Variants in KTN1 observed in about 807,000 individuals in gnomAD.
The protein encoded by KTN1 is kinectin.
KTN1 carries 130 observed loss-of-function variants against 222.5 expected under a neutral mutation model. That is an observed-to-expected ratio of 0.58 (90% CI 0.51 to 0.68). The LOEUF is 0.68. KTN1 is among the 30% of genes least tolerant of loss of function. The pLI is 0.00. For missense variants in KTN1, 1,508 were observed against 1,500.4 expected, an observed-to-expected ratio of 1.01 and a Z score of -0.08; for synonymous variants, 512 against 496.3, an observed-to-expected ratio of 1.03 and a Z score of -0.42.
chr14:55,644,584 TG>T, intron 18 of KTN1: 1 of 469,388 alleles, frequency 2.1e-6, no homozygotes, highest in Non-Finnish European at 3.8e-6. Context: ...TTTTTTGCTG[TG>T]GGGGAGCACA....
At chr14:55,588,926 G>T (rs1355667866) in intron 1 of KTN1, among the ~76,000 whole-genome samples, 1 of 151,472 alleles carries the variant, frequency 6.6e-6, no homozygotes, top group African/African-American at 2.4e-5. Context: ...TTCCCTGTGA[G>T]TTTTTTTCAT....
intron 1 of KTN1, among the ~76,000 whole-genome samples, chr14:55,605,781 G>T (rs1281092148): frequency 6.6e-6 from 1 of 152,146 alleles, no homozygotes. Flanking sequence ...GTATTTGAAG[G>T]TTATCAACTA....
At position 55,650,590 on chromosome 14, in the gene KTN1, G is replaced by A. The variant is rs775400802; in HGVS notation, c.2518G>A (p.Ala840Thr). 4.3e-6 allele frequency: 7 copies of A among 1,612,172 alleles called. No individual in the cohort carries two copies. In the African/African-American group the frequency reaches 9.4e-5, roughly 22 times the overall value. ...TVQDLKQEIK[A>T]LKEEIGNVQL... ...CAAGGATTTGAAACAGGAAATAAAG[G>A]CTCTAAAAGAAGAAATAGGAAATGT... is the stretch of plus-strand genomic sequence containing the variant. Residue 840 changes from alanine to threonine, a missense_variant, in exon 24 of 44, where the codon GCT (alanine) becomes ACT (threonine). Ala to Thr is a moderately conservative substitution (Grantham distance 58). Transcript: ENST00000395314.
chr14:55,621,180 T>A (rs1319531313), intron 5 of KTN1, among the ~76,000 whole-genome samples: 1 of 152,142 alleles, frequency 6.6e-6, no homozygotes, highest in African/African-American at 2.4e-5. Flanking sequence ...TGAGATGACC[T>A]CATCCTGGAT....
At chr14:55,647,150 T>G in intron 19 of KTN1, 143 bp downstream of exon 19, 1 of 611,922 alleles carries the variant, frequency 1.6e-6, no homozygotes, top group South Asian at 2.0e-5. Flanking sequence ...TTACCGTTTG[T>G]GGGTTTCACG....
chr14:55,597,467 C>G (rs1453538560), intron 1 of KTN1, among the ~76,000 whole-genome samples: 1 of 152,158 alleles, frequency 6.6e-6, no homozygotes, highest in Non-Finnish European at 1.5e-5. Context: ...GCTGTTTATT[C>G]ACAATTTTGC....
intron 43 of KTN1, chr14:55,681,067 T>C (rs2046323134): frequency 4.9e-6 from 1 of 202,388 alleles, no homozygotes; most frequent in South Asian, 9.3e-5. Flanking sequence ...TTTTTACTTT[T>C]TTACTATTTA....
At chr14:55,638,210 T>G (rs1293649341) in intron 12 of KTN1, among the ~76,000 whole-genome samples, 6 of 151,762 alleles carry the variant, frequency 4.0e-5, no homozygotes, top group Non-Finnish European at 8.8e-5. Flanking sequence ...TCCTAATATA[T>G]CAGCAGGGGG....
In KTN1 at chr14:55,667,269, A is replaced by C; in HGVS notation, c.3206A>C (p.Glu1069Ala). The change falls in exon 34 of 44, where the codon GAG becomes GCG. Residue 1069 changes from glutamate (E) to alanine (A), a missense_variant. Coordinates refer to ENST00000395314, the MANE Select transcript of KTN1 (RefSeq NM_001079521.2). The stretch of plus-strand genomic sequence containing the variant: ...AGGCAGCAACAGGTGGAAGCTGTTG[A>C]GTTGGAGGCTAAAGAAGTTCTCAAA... ...KERQQQVEAV[E>A]LEAKEVLKKL... 6.2e-7 allele frequency: 1 copy of C among 1,606,418 alleles called. No homozygotes were observed. The highest frequency in any genetic ancestry group is 8.5e-7 in the Non-Finnish European group (1 of 1,176,540).
At chr14:55,625,573 A>G (rs932853846) in intron 5 of KTN1, among the ~76,000 whole-genome samples, 1 of 152,100 alleles carries the variant, frequency 6.6e-6, no homozygotes, top group Non-Finnish European at 1.5e-5. Flanking sequence ...TTAATTTTAT[A>G]GTTTAATGGT....
At chr14:55,648,196 T>G (rs895083117) in intron 20 of KTN1, 81 bp downstream of exon 20, 2 of 654,498 alleles carry the variant, frequency 3.1e-6, no homozygotes, top group African/African-American at 1.9e-5. Flanking sequence ...GTAAGGTTTT[T>G]CCCATAGATC....
chr14:55,595,534 T>C lies in KTN1; in HGVS notation c.-31+15180T>C, dbSNP rs74053627. Reference sequence around the variant, plus strand: ...GGTTTGCCCTTTGTTCTCATCCTCATATTCAACACATTTGTAAACTGGCAA... The same window carrying C: ...GGTTTGCCCTTTGTTCTCATCCTCACATTCAACACATTTGTAAACTGGCAA... On this transcript the variant is annotated intron_variant, in intron 1 of 43. Coordinates refer to ENST00000395314, the MANE Select transcript of KTN1 (RefSeq NM_001079521.2). 1.0e-3 allele frequency among the ~76,000 whole-genome samples: 155 copies of C among 152,342 alleles called. 1 individual carries two copies. The highest frequency in any genetic ancestry group is 3.6e-3 in the African/African-American group (148 of 41,588).
chr14:55,664,394 A>T (rs753147382), intron 33 of KTN1, among the ~76,000 whole-genome samples: 19 of 152,294 alleles, frequency 1.2e-4, no homozygotes, highest in South Asian at 4.1e-4. Context: ...ATTAACAAAC[A>T]CATTTGAATA....
intron 5 of KTN1, among the ~76,000 whole-genome samples, chr14:55,619,871 A>G (rs912411262): frequency 3.0e-4 from 46 of 152,184 alleles, no homozygotes; most frequent in African/African-American, 1.1e-3. Context: ...TTCAAAACCA[A>G]TCATGCCCTC....
Position 55,671,851 on chromosome 14 carries a change from G to A in KTN1, c.3505G>A (p.Asp1169Asn), listed in dbSNP as rs758784392. 5 of 1,601,632 alleles carry A rather than the reference G, an allele frequency of 3.1e-6. No individual in the cohort carries two copies. The highest frequency in any genetic ancestry group is 4.5e-5 in the East Asian group (2 of 44,804). ...QEENKWKVKV[D>N]ESHKTIKQMQ... is the part of the protein sequence containing the mutation. ...AGAAAATAAATGGAAAGTTAAGGTC[G>A]ATGAATCACACAAGACTATTAAACA... Residue 1169 changes from aspartate to asparagine, a missense_variant, in exon 37 of 44, where the codon GAT becomes AAT. Transcript: ENST00000395314.
chr14:55,646,979 A>G lies in KTN1; in HGVS notation c.2179A>G (p.Lys727Glu). ...TTGGTGATTTTTATTTTAGCCTAAT[A>G]AGGATGTTGTGGAACAAATGGAAAA... ...LQTLVSEQPNKDVVEQMEKCI... is the reference protein window; with the variant it reads ...LQTLVSEQPNEDVVEQMEKCI... The change falls in exon 19 of 44, where the codon AAG becomes GAG. Residue 727 changes from lysine to glutamate, a missense_variant. By Grantham distance (56) the Lys-to-Glu change is moderately conservative. Coordinates refer to ENST00000395314, the MANE Select transcript of KTN1 (RefSeq NM_001079521.2). 2.6e-6 allele frequency: 4 copies of G among 1,534,908 alleles called. No individual in the cohort carries two copies. The highest frequency in any genetic ancestry group is 3.6e-6 in the Non-Finnish European group (4 of 1,110,762).
At chr14:55,675,961 G>A in intron 41 of KTN1, 43 bp downstream of exon 41, 1 of 1,360,006 alleles carries the variant, frequency 7.4e-7, no homozygotes, top group South Asian at 1.2e-5. Flanking sequence ...ATGAGCCTGT[G>A]TTGTGTGTTC....
At chr14:55,637,124 T>G in intron 10 of KTN1, 74 bp from the exon 11 acceptor site, 1 of 1,069,728 alleles carries the variant, frequency 9.3e-7, no homozygotes, top group Non-Finnish European at 1.3e-6. Context: ...GAGGAGAGAA[T>G]GCCTACACGA....
At chr14:55,588,311 C>T (rs1175937604) in intron 1 of KTN1, among the ~76,000 whole-genome samples, 3 of 152,162 alleles carry the variant, frequency 2.0e-5, no homozygotes, top group African/African-American at 4.8e-5. Context: ...GATGAATCAT[C>T]TGTCTGAAAC....
Sources: gnomAD v4.1 joint callset for allele counts (sites outside exome capture counted in the v4.1 genomes callset) on GRCh38, gnomAD v4.1.1 for gene constraint, MANE v1.5 for transcripts, NCBI Gene and HGNC (gene_info 2026-07-23, HGNC 2026-07-21) for gene names.